NBAS: variants seen among roughly 807,000 people sequenced by gnomAD.
The protein encoded by NBAS is NBAS subunit of NRZ tethering complex, also known as NAG/BC035112 fusion.
Under a neutral mutation model 302.5 loss-of-function variants are expected in NBAS, and 219 were observed. The observed-to-expected ratio is 0.72, with a 90% CI of 0.65 to 0.81. The LOEUF (loss-of-function observed/expected upper bound fraction) is 0.81. Ranked by LOEUF, NBAS falls within the 30% of genes least tolerant of loss-of-function variation. The probability of loss-of-function intolerance (pLI) is 0.00; values close to 1 mark genes in which losing one functional copy is unlikely to be tolerated. For missense variants in NBAS, 2,932 were observed against 2,841.6 expected (o/e 1.03, Z -0.72); for synonymous variants, 1,118 against 1,021.6 (o/e 1.09, Z -1.80).
the NBAS span, among the ~76,000 whole-genome samples, chr2:14,821,015 C>T: frequency 1.3e-5 from 2 of 152,040 alleles, no homozygotes; most frequent in Admixed American, 6.5e-5. Flanking sequence ...CCGCAAGCTC[C>T]GCCTCCCGGA....
the NBAS span, among the ~76,000 whole-genome samples, chr2:14,966,703 T>C: frequency 6.6e-6 from 1 of 152,168 alleles, no homozygotes; most frequent in Non-Finnish European, 1.5e-5. Context: ...ACAAGTAATA[T>C]ATAATGACTA....
the NBAS span, among the ~76,000 whole-genome samples, chr2:14,839,820 G>T: frequency 6.6e-6 from 1 of 151,944 alleles, no homozygotes; most frequent in African/African-American, 2.4e-5. Context: ...CCAAACAAAA[G>T]CCAGACAAAG....
chr2:14,981,433 C>T, the NBAS span, among the ~76,000 whole-genome samples: 1 of 152,214 alleles, frequency 6.6e-6, no homozygotes, highest in Non-Finnish European at 1.5e-5. Flanking sequence ...AAAATATATT[C>T]CTCCCAACCA....
the NBAS span, among the ~76,000 whole-genome samples, chr2:14,870,615 T>A: frequency 6.6e-6 from 1 of 151,926 alleles, no homozygotes; most frequent in South Asian, 2.1e-4. Flanking sequence ...TACTTCCATG[T>A]AGCTTAACTA....
the NBAS span, among the ~76,000 whole-genome samples, chr2:14,864,114 C>T: frequency 0.013 from 1,920 of 152,038 alleles, 49 homozygotes; most frequent in African/African-American, 0.043. Context: ...GTCAGGAGTT[C>T]GAGACCAGCC....
At position 15,238,553 on chromosome 2, in the gene NBAS, T is replaced by C. The variant is rs529024057; in HGVS notation, c.5858A>G (p.Asp1953Gly). 6.2e-7 allele frequency: 1 copy of C among 1,614,194 alleles called. No homozygotes were observed. The highest frequency in any genetic ancestry group is 1.3e-5 in the African/African-American group (1 of 75,062). ...TGATTTCTCCAGATGATTCAAAGTATCTGCATAGGTAACTTTAGAATCCTT... is the reference window on the plus strand; with the variant it reads ...TGATTTCTCCAGATGATTCAAAGTACCTGCATAGGTAACTTTAGAATCCTT... ...EAKDSKVTYADTLNHLEKSLA... is the reference protein window; with the variant it reads ...EAKDSKVTYAGTLNHLEKSLA... Residue 1953 changes from aspartate to glycine, a missense_variant, in exon 45 of 52, where the codon GAT becomes GGT. By Grantham distance (94) the Asp-to-Gly change is moderately conservative (BLOSUM62 -1). Transcript: ENST00000281513.
chr2:15,269,565 G>A (rs958440524), intron 44 of NBAS, among the ~76,000 whole-genome samples: 2 of 152,140 alleles, frequency 1.3e-5, no homozygotes, highest in African/African-American at 4.8e-5. Flanking sequence ...ATCCACCACT[G>A]TAAGGCTGAC....
At chr2:15,349,982 G>C (rs1673272067) in intron 35 of NBAS, among the ~76,000 whole-genome samples, 1 of 152,028 alleles carries the variant, frequency 6.6e-6, no homozygotes, top group Admixed American at 6.6e-5. Context: ...AGGAGGAAGA[G>C]GCGAAAATTC....
intron 6 of NBAS, among the ~76,000 whole-genome samples, chr2:15,548,011 C>T (rs187370003): frequency 1.2e-4 from 19 of 152,200 alleles, no homozygotes; most frequent in Admixed American, 7.2e-4. Flanking sequence ...AATATTAATG[C>T]CATGACAGTT....
intron 16 of NBAS, among the ~76,000 whole-genome samples, chr2:15,469,207 T>C (rs1412040917): frequency 6.6e-6 from 1 of 152,238 alleles, no homozygotes; most frequent in Non-Finnish European, 1.5e-5. Flanking sequence ...CTCCTTCAGT[T>C]CTGCTCTGAT....
Position 15,461,675 on chromosome 2 carries a change from A to T in NBAS, c.2202+12T>A, listed in dbSNP as rs750756951. 1.3e-6 allele frequency: 2 copies of T among 1,494,964 alleles called. No individual in the cohort carries two copies. The highest frequency in any genetic ancestry group is 2.3e-5 in the South Asian group (2 of 87,424). 92.6% of individuals were successfully genotyped at this position (1,494,964 alleles called of 1,614,324 possible). A position where few individuals can be genotyped will look rare whatever the true frequency, so the allele number is the denominator to read the frequency against. On this transcript the variant is annotated intron_variant, in intron 20 of 51. Coordinates refer to ENST00000281513, the MANE Select transcript of NBAS (RefSeq NM_015909.4). ...ATAACCATAATTATTTTATTTACAA[A>T]AAGCAAATTACCTGAGCATAAGTTC...
the NBAS span, among the ~76,000 whole-genome samples, chr2:14,785,196 T>G: frequency 2.0e-5 from 3 of 152,228 alleles, no homozygotes; most frequent in African/African-American, 4.8e-5. Context: ...CTGAAGGTGC[T>G]TATCAGCTTA....
At chr2:15,076,743 A>T in the NBAS span, among the ~76,000 whole-genome samples, 32 of 149,470 alleles carry the variant, frequency 2.1e-4, no homozygotes, top group African/African-American at 6.5e-4. Context: ...TACAATACTG[A>T]TGTTCAAGGC....
At chr2:15,518,293 T>C (rs1356942994) in intron 9 of NBAS, among the ~76,000 whole-genome samples, 2 of 152,196 alleles carry the variant, frequency 1.3e-5, no homozygotes, top group Non-Finnish European at 2.9e-5. Context: ...TGGGACTTAC[T>C]ACTAAAATAA....
chr2:14,805,293 G>A, the NBAS span, among the ~76,000 whole-genome samples: 6 of 152,076 alleles, frequency 3.9e-5, no homozygotes, highest in Admixed American at 2.0e-4. Context: ...AAATAGTGTC[G>A]CAAAGGAATG....
At chr2:15,230,791 G>C (rs1667350799) in intron 47 of NBAS, among the ~76,000 whole-genome samples, 1 of 152,178 alleles carries the variant, frequency 6.6e-6, no homozygotes, top group Non-Finnish European at 1.5e-5. Context: ...TCACTGACAA[G>C]CTGGGAGTGA....
the NBAS span, among the ~76,000 whole-genome samples, chr2:15,062,403 G>A: frequency 6.6e-6 from 1 of 152,180 alleles, no homozygotes; most frequent in Non-Finnish European, 1.5e-5. Context: ...ACTAGAGGAA[G>A]GATATTTTAA....
intron 26 of NBAS, among the ~76,000 whole-genome samples, chr2:15,401,830 G>T (rs1179284064): frequency 6.6e-6 from 1 of 152,122 alleles, no homozygotes; most frequent in Non-Finnish European, 1.5e-5. Flanking sequence ...TATGAAAAAT[G>T]CTTCATTAAA....
At chr2:15,191,829 A>C (rs1665373347) in intron 48 of NBAS, among the ~76,000 whole-genome samples, 1 of 152,176 alleles carries the variant, frequency 6.6e-6, no homozygotes, top group Admixed American at 6.5e-5. Context: ...AACTCAAGAC[A>C]TCCATCCATC....
Sources: gnomAD v4.1 joint callset for allele counts (sites outside exome capture counted in the v4.1 genomes callset) on GRCh38, gnomAD v4.1.1 for gene constraint, MANE v1.5 for transcripts, NCBI Gene and HGNC (gene_info 2026-07-23, HGNC 2026-07-21) for gene names.